The following UBE2V2 variants were observed in gnomAD, a reference collection of about 807,000 sequenced individuals.
UBE2V2 encodes the protein ubiquitin conjugating enzyme E2 V2.
UBE2V2 carries 9 observed loss-of-function variants against 17.2 expected under a neutral mutation model. The ratio of observed to expected loss-of-function variants is 0.52; its 90% confidence interval spans 0.32 to 0.91. The LOEUF (loss-of-function observed/expected upper bound fraction) is 0.91, where lower values mean the gene tolerates loss of function less well. Ranked by LOEUF, UBE2V2 falls within the 40% of genes least tolerant of loss-of-function variation. UBE2V2 has a pLI of 0.04. For missense variants in UBE2V2, 133 were observed against 182.6 expected, an observed-to-expected ratio of 0.73 and a Z score of 1.56; for synonymous variants, 61 against 57.5, an observed-to-expected ratio of 1.06 and a Z score of -0.28.
chr8:48,018,557 T>TA (rs1405904927), intron 1 of UBE2V2, among the ~76,000 whole-genome samples: 2 of 152,230 alleles, frequency 1.3e-5, no homozygotes, highest in African/African-American at 4.8e-5. Flanking sequence ...TGTTAAGACT[T>TA]ATTTTGTGGC....
At position 48,060,987 on chromosome 8, in the gene UBE2V2, A is replaced by G. The variant is rs1802583872; in HGVS notation, c.*159A>G. 2 of 668,838 alleles carry G rather than the reference A, an allele frequency of 3.0e-6. No individual in the cohort carries two copies. Among genetic ancestry groups the G allele is most frequent in the Non-Finnish European group, 2.1e-6 (1 of 474,632 alleles). The allele number at this position is 668,838 out of a possible 1,614,324, so 41.4% of individuals were successfully genotyped here. The stretch of plus-strand genomic sequence containing the variant: ...GAATATATTTAATATATGTACACCC[A>G]TTATGTTTTCAGGTAACAGGAGGAA... On this transcript the variant is annotated 3_prime_UTR_variant, in exon 4 of 4. Transcript: ENST00000523111.
At chr8:48,032,872 C>T (rs756917050) in intron 1 of UBE2V2, among the ~76,000 whole-genome samples, 2 of 152,024 alleles carry the variant, frequency 1.3e-5, no homozygotes, top group Non-Finnish European at 2.9e-5. Context: ...TTTGAAACAG[C>T]CAGTGGGGGT....
Position 48,030,722 on chromosome 8 carries a change from AAAAAC to A in UBE2V2, c.17-12301_17-12297del, listed in dbSNP as rs1423537154. ...AGAGTGAGACCCTGTCTCAAAAACA[AAAAAC>A]AAAACAAAAACTGGCTAGGCATGGT... On this transcript the variant is annotated intron_variant, in intron 1 of 3. Coordinates refer to ENST00000523111, the MANE Select transcript of UBE2V2 (RefSeq NM_003350.3). Among the ~76,000 whole-genome samples the A allele has an allele frequency of 4.6e-5, 7 of 151,862 alleles. No homozygotes were observed. The East Asian group carries it at 1.2e-3, about 25-fold the overall frequency.
chr8:48,026,345 T>A (rs1159199129), intron 1 of UBE2V2, among the ~76,000 whole-genome samples: 1 of 152,196 alleles, frequency 6.6e-6, no homozygotes, highest in East Asian at 1.9e-4. Context: ...GGATGCTTCA[T>A]AAGAAAGCTG....
At chr8:48,053,550 A>C (rs770185896) in intron 3 of UBE2V2, among the ~76,000 whole-genome samples, 5 of 151,540 alleles carry the variant, frequency 3.3e-5, no homozygotes, top group Non-Finnish European at 7.4e-5. Flanking sequence ...CAGCCTCCCA[A>C]GTAGCTGGGA....
chr8:48,004,713 T>C (rs2091172558), upstream of UBE2V2, among the ~76,000 whole-genome samples: 1 of 152,060 alleles, frequency 6.6e-6, no homozygotes, highest in Non-Finnish European at 1.5e-5. Flanking sequence ...CTATTTTTAG[T>C]AGAGGGAGGG....
At chr8:48,009,188 T>A (rs1251737085) in intron 1 of UBE2V2, among the ~76,000 whole-genome samples, 1 of 152,160 alleles carries the variant, frequency 6.6e-6, no homozygotes, top group East Asian at 1.9e-4. Context: ...TTAGACCATT[T>A]CAGAAATGTT....
At chr8:48,034,110 G>C (rs2091403549) in intron 1 of UBE2V2, among the ~76,000 whole-genome samples, 2 of 143,372 alleles carry the variant, frequency 1.4e-5, no homozygotes, top group Non-Finnish European at 3.0e-5. Flanking sequence ...CTTAATATTT[G>C]ACCTCTGTTT....
chr8:48,018,056 C>T (rs796890255), intron 1 of UBE2V2, among the ~76,000 whole-genome samples: 11 of 151,730 alleles, frequency 7.2e-5, no homozygotes, highest in South Asian at 2.1e-4. Context: ...AGGCTGGTCT[C>T]GAACTCCTGA....
chr8:48,009,808 T>G (rs555580809), intron 1 of UBE2V2, among the ~76,000 whole-genome samples: 41 of 152,310 alleles, frequency 2.7e-4, no homozygotes, highest in African/African-American at 8.7e-4. Context: ...TTTAAGATCT[T>G]TAGCAGTTCT....
chr8:48,034,308 G>A (rs1342474898), intron 1 of UBE2V2, among the ~76,000 whole-genome samples: 1 of 152,000 alleles, frequency 6.6e-6, no homozygotes, highest in East Asian at 1.9e-4. Context: ...TGTATTTTTA[G>A]TAGAGATGGG....
chr8:48,021,918 G>A (rs1589852743), intron 1 of UBE2V2, among the ~76,000 whole-genome samples: 1 of 151,872 alleles, frequency 6.6e-6, no homozygotes, highest in African/African-American at 2.4e-5. Flanking sequence ...TACCTCAGAT[G>A]ATCCACCTGC....
chr8:48,035,108 T>TTG, intron 1 of UBE2V2: 14 of 289,688 alleles, frequency 4.8e-5, no homozygotes, highest in Non-Finnish European at 5.4e-5. Flanking sequence ...CTATTTATTC[T>TTG]TTTTTTTTTT....
chr8:48,040,501 A>G (rs1329230227), intron 1 of UBE2V2, among the ~76,000 whole-genome samples: 2 of 152,030 alleles, frequency 1.3e-5, no homozygotes. Flanking sequence ...TTCATATATG[A>G]TATGTCTGCT....
chr8:48,008,487 G>T lies in UBE2V2; in HGVS notation c.16+17G>T. On this transcript the variant is annotated intron_variant, in intron 1 of 3. Coordinates refer to ENST00000523111, the MANE Select transcript of UBE2V2 (RefSeq NM_003350.3). The stretch of plus-strand genomic sequence containing the variant: ...TCTCCACAGGTCGGTTCCCGGGCCG[G>T]GCTGCGTGATTTTCCGCTCCGACCC... 3.2e-6 allele frequency: 5 copies of T among 1,566,968 alleles called. No individual in the cohort carries two copies. The highest frequency in any genetic ancestry group is 2.6e-5 in the East Asian group (1 of 38,626).
chr8:48,042,180 A>G (rs1186537964), intron 1 of UBE2V2: 3 of 152,184 alleles, frequency 2.0e-5, no homozygotes, highest in Non-Finnish European at 1.5e-5. Context: ...ATATAAGCCT[A>G]TTCATTTTAC....
At chr8:48,003,581 G>A (rs2091165918), upstream of UBE2V2, among the ~76,000 whole-genome samples, 1 of 152,152 alleles carries the variant, frequency 6.6e-6, no homozygotes, top group East Asian at 1.9e-4. Context: ...GCTAGTGGGA[G>A]GGTCCATGAA....
chr8:48,049,945 T>A lies in UBE2V2; in HGVS notation c.258T>A (p.Ile86=), dbSNP rs34213238. ...CGTCAGTTAGATTTGTAACAAAAAT[T>A]AATATGAACGGAATAAATAATTCCA... is the stretch of plus-strand genomic sequence containing the variant. ...APPSVRFVTK[I]NMNGINNSSG... is the part of the protein sequence containing the mutation. Residue 86 remains isoleucine, a synonymous_variant, in exon 3 of 4, where the codon ATT becomes ATA. Coordinates refer to ENST00000523111, the MANE Select transcript of UBE2V2 (RefSeq NM_003350.3). The A allele has an allele frequency of 2.5e-6, 4 of 1,575,584 alleles. No homozygotes were observed. In the African/African-American group the frequency reaches 5.5e-5, roughly 22 times the overall value.
rs545217661 is a variant in UBE2V2 at position 48,043,097 on chromosome 8, C to G, written c.81C>G (p.Gly27=). The G allele has an allele frequency of 6.3e-7, 1 of 1,597,372 alleles. No individual in the cohort carries two copies. Among genetic ancestry groups the G allele is most frequent in the Non-Finnish European group, 8.5e-7 (1 of 1,170,048 alleles). ...TTGAAGAAGGACAAAAAGGAGTAGGCGACGGTACAGTTAGCTGGGGCCTTG... is the reference window on the plus strand; with the variant it reads ...TTGAAGAAGGACAAAAAGGAGTAGGGGACGGTACAGTTAGCTGGGGCCTTG... The part of the protein sequence containing the change: ...EELEEGQKGV[G]DGTVSWGLED... The change falls in exon 2 of 4, where the codon GGC becomes GGG. Residue 27 remains glycine, a synonymous_variant. Coordinates refer to ENST00000523111, the MANE Select transcript of UBE2V2 (RefSeq NM_003350.3).
Sources: gnomAD v4.1 joint callset for allele counts (sites outside exome capture counted in the v4.1 genomes callset) on GRCh38, gnomAD v4.1.1 for gene constraint, MANE v1.5 for transcripts, NCBI Gene and HGNC (gene_info 2026-07-23, HGNC 2026-07-21) for gene names.